Variants in ADI1 observed in about 807,000 individuals in gnomAD.
ADI1 encodes the protein acireductone dioxygenase 1.
A neutral mutation model predicts 18.7 loss-of-function variants in ADI1; 21 were observed. The observed-to-expected ratio is 1.13, with a 90% CI of 0.80 to 1.62. ADI1 has a LOEUF of 1.62. Ranked by LOEUF, ADI1 falls within the 40% of genes most tolerant of loss-of-function variation. The probability of loss-of-function intolerance (pLI) is 0.00; values close to 1 mark genes in which losing one functional copy is unlikely to be tolerated. For missense variants in ADI1, 245 were observed against 254.9 expected (o/e 0.96, Z 0.26); for synonymous variants, 90 against 100.1 (o/e 0.90, Z 0.60).
At chr2:3,518,320 G>A (rs980572350) in intron 1 of ADI1, among the ~76,000 whole-genome samples, 1 of 152,166 alleles carries the variant, frequency 6.6e-6, no homozygotes, top group Non-Finnish European at 1.5e-5. Flanking sequence ...GAAAAAGTGT[G>A]GTGTCCAGGT....
intron 3 of ADI1, 77 bp downstream of exon 3, chr2:3,500,737 C>T (rs199623266): frequency 7.8e-5 from 125 of 1,598,060 alleles, no homozygotes; most frequent in Admixed American, 2.0e-4. Context: ...GCGGAAGCCG[C>T]GCAGTTCAGC....
chr2:3,500,481 C>T (rs879089547), intron 3 of ADI1: 18 of 463,570 alleles, frequency 3.9e-5, no homozygotes, highest in South Asian at 1.9e-4. Context: ...GATGCCTCAC[C>T]GCCAAGCAAG....
chr2:3,517,440 C>T (rs1667433897), intron 1 of ADI1: 1 of 152,152 alleles, frequency 6.6e-6, no homozygotes, highest in Non-Finnish European at 1.5e-5. Context: ...GTAATTTTGT[C>T]TTCCAACAGC....
intron 1 of ADI1, chr2:3,517,075 C>T (rs2103214844): frequency 3.1e-6 from 1 of 318,972 alleles, no homozygotes; most frequent in Non-Finnish European, 4.5e-6. Context: ...CAGGATGAGA[C>T]CAAACCAAAA....
chr2:3,514,046 G>A, intron 1 of ADI1, 70 bp from the exon 2 acceptor site: 3 of 1,502,416 alleles, frequency 2.0e-6, no homozygotes, highest in Non-Finnish European at 2.7e-6. Flanking sequence ...TCTCTTTCTG[G>A]ATCTCCAATA....
At chr2:3,500,498 G>C in intron 3 of ADI1, 1 of 491,140 alleles carries the variant, frequency 2.0e-6, no homozygotes, top group Non-Finnish European at 3.7e-6. Context: ...CAAGGGCTGG[G>C]GCAGGGCCAG....
In ADI1 at chr2:3,501,077, TG is replaced by T. The variant is rs1235042908; in HGVS notation, c.241-85del. The T allele has an allele frequency of 2.4e-5, 31 of 1,299,474 alleles. No individual in the cohort carries two copies. In the East Asian group the frequency reaches 7.7e-4, roughly 32 times the overall value. The allele number at this position is 1,299,474 out of a possible 1,614,324, so 80.5% of individuals were successfully genotyped here. A position where few individuals can be genotyped will look rare whatever the true frequency, so the allele number is the denominator to read the frequency against. On this transcript the variant is annotated intron_variant, in intron 2 of 3. Coordinates refer to ENST00000327435, the MANE Select transcript of ADI1 (RefSeq NM_018269.4). ...CCACCCACTCAGCAGCCTGAGCCTT[TG>T]GTGGGCCAGAGCTGAGGTGAATGGG...
rs1198979228 is a variant in ADI1 at position 3,497,425 on chromosome 2, G to GCAA, written c.*1535_*1537dup. On this transcript the variant is annotated 3_prime_UTR_variant, in exon 4 of 4. Coordinates refer to ENST00000327435, the MANE Select transcript of ADI1 (RefSeq NM_018269.4). The stretch of plus-strand genomic sequence containing the variant: ...ACCTCAATAAAAACGAAAGATGTGA[G>GCAA]CAACATCCTGGGAAAAGAAAATGTG... 2.6e-5 allele frequency: 4 copies of GCAA among 152,290 alleles called. No individual in the cohort carries two copies. The highest frequency in any genetic ancestry group is 9.6e-5 in the African/African-American group (4 of 41,552). The allele number at this position is 152,290 out of a possible 1,614,324, so 9.4% of individuals were successfully genotyped here.
At chr2:3,507,217 T>G (rs114485972) in intron 2 of ADI1, among the ~76,000 whole-genome samples, 1 of 152,126 alleles carries the variant, frequency 6.6e-6, no homozygotes, top group African/African-American at 2.4e-5. Flanking sequence ...ATGTAACATA[T>G]GTATAAATGG....
At chr2:3,503,013 C>T (rs1436295801) in intron 2 of ADI1, among the ~76,000 whole-genome samples, 1 of 152,104 alleles carries the variant, frequency 6.6e-6, no homozygotes, top group African/African-American at 2.4e-5. Context: ...GTGGATGTAA[C>T]TGGAATTAGA....
chr2:3,506,208 G>A lies in ADI1; in HGVS notation c.241-5215C>T, dbSNP rs566294487. Among the ~76,000 whole-genome samples, 3 of 152,250 alleles carry A rather than the reference G, an allele frequency of 2.0e-5. No homozygotes were observed. The South Asian group carries it at 6.2e-4, about 32-fold the overall frequency. The stretch of plus-strand genomic sequence containing the variant: ...CAAGACTGAGACTGTCCTAGCTAAT[G>A]CAATATGAAGAAATATAAGGCATAC... On this transcript the variant is annotated intron_variant, in intron 2 of 3. Transcript: ENST00000327435.
chr2:3,510,971 T>A (rs1667283980), intron 2 of ADI1, among the ~76,000 whole-genome samples: 1 of 152,220 alleles, frequency 6.6e-6, no homozygotes. Flanking sequence ...AACTAAAACA[T>A]TGATATAGTT....
At chr2:3,508,355 A>C (rs1350581541) in intron 2 of ADI1, among the ~76,000 whole-genome samples, 2 of 150,224 alleles carry the variant, frequency 1.3e-5, no homozygotes, top group South Asian at 4.2e-4. Context: ...AAAAAAAAAA[A>C]AAAAACAATA....
In ADI1 at chr2:3,506,741, A is replaced by G. The variant is rs1667184448; in HGVS notation, c.241-5748T>C. 2.6e-5 allele frequency among the ~76,000 whole-genome samples: 4 copies of G among 152,210 alleles called. No individual in the cohort carries two copies. The South Asian group carries it at 8.3e-4, about 32-fold the overall frequency. On this transcript the variant is annotated intron_variant, in intron 2 of 3. Coordinates refer to ENST00000327435, the MANE Select transcript of ADI1 (RefSeq NM_018269.4). ...GCACAAGACCCAGAATACCCAACAC[A>G]ATATTGAAGAAGAACAAAGTTGAAG...
rs188105362 is a variant in ADI1 at position 3,499,694 on chromosome 2, G to A, written c.421-612C>T. On this transcript the variant is annotated intron_variant, in intron 3 of 3. Transcript: ENST00000327435. ...AATGACTCACTGAAATAAATTAATGGTTAAATACAGTACAGCATGTCCAGC... is the reference window on the plus strand; with the variant it reads ...AATGACTCACTGAAATAAATTAATGATTAAATACAGTACAGCATGTCCAGC... Among the ~76,000 whole-genome samples the A allele has an allele frequency of 2.0e-3, 308 of 152,240 alleles. 1 individual carries two copies. The highest frequency in any genetic ancestry group is 3.1e-3 in the Non-Finnish European group (212 of 68,034).
intron 2 of ADI1, among the ~76,000 whole-genome samples, chr2:3,508,116 C>T (rs766078836): frequency 6.6e-6 from 1 of 151,722 alleles, no homozygotes; most frequent in African/African-American, 2.4e-5. Flanking sequence ...GGGTGGATTA[C>T]GAGGTCAGGA....
chr2:3,518,843 G>C (rs1164427789), intron 1 of ADI1, among the ~76,000 whole-genome samples: 2 of 152,230 alleles, frequency 1.3e-5, no homozygotes, highest in Non-Finnish European at 2.9e-5. Flanking sequence ...GAATCTTGCA[G>C]CCCTGCCGGC....
intron 1 of ADI1, chr2:3,516,711 G>A: frequency 1.0e-6 from 1 of 983,222 alleles, no homozygotes; most frequent in Non-Finnish European, 1.2e-6. Flanking sequence ...TTTTGTTATA[G>A]CAGCAGGTAT....
intron 2 of ADI1, among the ~76,000 whole-genome samples, chr2:3,504,997 T>C (rs1667144651): frequency 6.6e-6 from 1 of 152,162 alleles, no homozygotes; most frequent in Non-Finnish European, 1.5e-5. Flanking sequence ...TTCACCTGTG[T>C]ATGTTTGTAT....
Sources: allele counts gnomAD v4.1 joint callset (sites outside exome capture counted in the v4.1 genomes callset), GRCh38; gene constraint gnomAD v4.1.1; transcripts MANE v1.5; gene names NCBI Gene and HGNC (gene_info 2026-07-23, HGNC 2026-07-21).